The following DCHS1 variants were observed in gnomAD, a reference collection of about 807,000 sequenced individuals.
The protein encoded by DCHS1 is protocadherin-16.
In DCHS1, 78 loss-of-function variants were observed where a neutral mutation model predicts 213.9. That is an observed-to-expected ratio of 0.36 (90% CI 0.30 to 0.44). DCHS1 has a LOEUF of 0.44. Ranked by LOEUF, DCHS1 falls within the 20% of genes least tolerant of loss-of-function variation. The pLI is 1.00. For synonymous variants in DCHS1, 1,828 were observed against 1,873.7 expected (o/e 0.98, Z 0.63); for missense variants, 3,946 against 4,395.9 (o/e 0.90, Z 2.89).
intron 1 of DCHS1, among the ~76,000 whole-genome samples, chr11:6,644,448 A>G (rs1001763763): frequency 6.6e-6 from 1 of 152,190 alleles, no homozygotes; most frequent in Admixed American, 6.5e-5. Context: ...TTTTGTCATG[A>G]GATAACCTCT....
rs767271909 is a variant in DCHS1, at chr11:6,633,534, A to G, written c.2333T>C (p.Ile778Thr). 4.4e-6 allele frequency: 7 copies of G among 1,587,568 alleles called. No individual in the cohort carries two copies. Residue 778 changes from isoleucine (I) to threonine (T), a missense_variant, in exon 5 of 21, where the codon ATC becomes ACC. By Grantham distance (89) the Ile-to-Thr change is moderately conservative. This residue lies in a region of DCHS1 where 3,384 missense variants were observed against 3,780.1 expected (regional missense o/e 0.90). Coordinates refer to ENST00000299441, the MANE Select transcript of DCHS1 (RefSeq NM_003737.4). Reference protein sequence around the residue: ...LQAEPSARVDISIVPGTPTPP... With the variant: ...LQAEPSARVDTSIVPGTPTPP... ...TGTGGGGGTTCCAGGCACAATGCTG[A>G]TGTCCACTCGGGCACTGGGTTCTGC...
In DCHS1 at chr11:6,621,967, A is replaced by G; in HGVS notation, c.9709T>C (p.Ser3237Pro). The G allele has an allele frequency of 1.2e-6, 2 of 1,611,234 alleles. No homozygotes were observed. The highest frequency in any genetic ancestry group is 2.2e-5 in the South Asian group (2 of 90,932). The change falls in exon 21 of 21, where the codon TCC becomes CCC. Residue 3237 changes from serine to proline, a missense_variant. By Grantham distance (74) the Ser-to-Pro change is moderately conservative. Around this residue, in one of 3 missense-constraint regions of DCHS1, gnomAD observed 554 missense variants for 590.2 expected, o/e 0.94. Coordinates refer to ENST00000299441, the MANE Select transcript of DCHS1 (RefSeq NM_003737.4). ...AGGGAGCCTTCATGGCTGATGGGGG[A>G]GCGGTGAGAAGCTGGTGGGAAGATG... ...RAIFPPASHR[S>P]PISHEGSLSS... is the part of the protein sequence containing the mutation.
Position 6,623,649 on chromosome 11 carries a change from ACAAG to A in DCHS1, c.8023_8026del (p.Leu2675Ter). 1 of 1,613,834 alleles carries A rather than the reference ACAAG, an allele frequency of 6.2e-7. No individual in the cohort carries two copies. The highest frequency in any genetic ancestry group is 8.5e-7 in the Non-Finnish European group (1 of 1,179,888). Reference sequence around the variant, plus strand: ...ACCAGCAGGGTCAGCAGCCTGTACTACAAGCTGATGTCGAGCCTGGGTCTCACAG... The same window carrying A: ...ACCAGCAGGGTCAGCAGCCTGTACTACTGATGTCGAGCCTGGGTCTCACAG... On this transcript the variant is annotated frameshift_variant, in exon 21 of 21. Transcript: ENST00000299441. LOFTEE classifies it high-confidence loss of function.
In DCHS1 at chr11:6,623,270, T is replaced by C. The variant is rs747308612; in HGVS notation, c.8406A>G (p.Leu2802=). 6.3e-7 allele frequency: 1 copy of C among 1,590,004 alleles called. No individual in the cohort carries two copies. The highest frequency in any genetic ancestry group is 8.6e-7 in the Non-Finnish European group (1 of 1,168,244). Residue 2802 remains leucine (L), a synonymous_variant, in exon 21 of 21, where the codon CTA becomes CTG. Coordinates refer to ENST00000299441, the MANE Select transcript of DCHS1 (RefSeq NM_003737.4). ...GGTCATACTCATCCTCTCCAGTCAC[T>C]AGCACCGACACAGTGACAGAGGCTG... ...NLSASVTVSV[L]VTGEDEYDPV...
At chr11:6,655,281 C>T (rs73397294) in intron 1 of DCHS1, among the ~76,000 whole-genome samples, 2 of 152,066 alleles carry the variant, frequency 1.3e-5, no homozygotes, top group East Asian at 1.9e-4. Context: ...TGACACACTC[C>T]GACGATGCAC....
chr11:6,623,173 C>T lies in DCHS1; in HGVS notation c.8503G>A (p.Val2835Met), dbSNP rs746286141. 5.0e-6 allele frequency: 8 copies of T among 1,607,656 alleles called. No homozygotes were observed. The highest frequency in any genetic ancestry group is 3.4e-5 in the Admixed American group (2 of 59,380). The change falls in exon 21 of 21, where the codon GTG becomes ATG. Residue 2835 changes from valine to methionine, a missense_variant. By Grantham distance (21) the Val-to-Met change is conservative. Transcript: ENST00000299441. ...GARRGHSLGHVQATDEDGGAD... is the reference protein window; with the variant it reads ...GARRGHSLGHMQATDEDGGAD... Reference sequence around the variant, plus strand: ...CCCCCATCCTCATCTGTGGCCTGCACGTGACCCAAGCTGTGGCCACGCCGG... The same window carrying T: ...CCCCCATCCTCATCTGTGGCCTGCATGTGACCCAAGCTGTGGCCACGCCGG...
rs368843002 is a variant in DCHS1, at chr11:6,632,532, G to A, written c.2980C>T (p.Arg994Cys). The change falls in exon 6 of 21, where the codon CGT (arginine) becomes TGT (cysteine). Residue 994 changes from arginine to cysteine, a missense_variant. By Grantham distance (180) the Arg-to-Cys change is radical. Transcript: ENST00000299441. This position sits in a 1 kb window ranked among gnomAD's most constrained non-coding sequence, Gnocchi z 5.9. ...CTGTTGAATCGGGGAGCCAGCCCAC[G>A]GGTTCCCACATCCTGTACCACCACC... ...LRVVVQDVGTRGLAPRFNSPT... is the reference protein window; with the variant it reads ...LRVVVQDVGTCGLAPRFNSPT... 3.3e-6 allele frequency: 5 copies of A among 1,534,636 alleles called. No individual in the cohort carries two copies. Among genetic ancestry groups the A allele is most frequent in the East Asian group, 2.3e-5 (1 of 42,856 alleles).
Position 6,623,331 on chromosome 11 carries a change from C to G in DCHS1, c.8345G>C (p.Arg2782Pro). Residue 2782 changes from arginine (R) to proline (P), a missense_variant, in exon 21 of 21, where the codon CGG (arginine) becomes CCG (proline). Around this residue, in one of 3 missense-constraint regions of DCHS1, gnomAD observed 3,384 missense variants for 3,780.1 expected, o/e 0.90. Coordinates refer to ENST00000299441, the MANE Select transcript of DCHS1 (RefSeq NM_003737.4). ...PFDYEHTESF[R>P]LLVGAADAGN... ...AGCATCAGCAGCACCCACCAGCAGC[C>G]GGAAGCTTTCTGTGTGCTCATAGTC... is the stretch of plus-strand genomic sequence containing the variant. 1 of 1,593,888 alleles carries G rather than the reference C, an allele frequency of 6.3e-7. No homozygotes were observed.
chr11:6,623,193 C>A lies in DCHS1; in HGVS notation c.8483G>T (p.Arg2828Leu). The change falls in exon 21 of 21, where the codon CGT (arginine) becomes CTT (leucine). Residue 2828 changes from arginine (R) to leucine (L), a missense_variant. Arg to Leu is a moderately radical substitution (Grantham distance 102). Around this residue, in one of 3 missense-constraint regions of DCHS1, gnomAD observed 3,384 missense variants for 3,780.1 expected, o/e 0.90. Coordinates refer to ENST00000299441, the MANE Select transcript of DCHS1 (RefSeq NM_003737.4). Reference protein sequence around the residue: ...FHFQVPEGARRGHSLGHVQAT... With the variant: ...FHFQVPEGARLGHSLGHVQAT... The stretch of plus-strand genomic sequence containing the variant: ...CTGCACGTGACCCAAGCTGTGGCCA[C>A]GCCGGGCACCTTCGGGCACTTGGAA... 6.2e-7 allele frequency: 1 copy of A among 1,605,008 alleles called. No homozygotes were observed. Among genetic ancestry groups the A allele is most frequent in the East Asian group, 2.2e-5 (1 of 44,476 alleles).
At chr11:6,650,072 AGT>A (rs1856222322) in intron 1 of DCHS1, among the ~76,000 whole-genome samples, 1 of 152,182 alleles carries the variant, frequency 6.6e-6, no homozygotes, top group Admixed American at 6.5e-5. Context: ...GGCCATAAAT[AGT>A]GTGTCTGGAA....
Position 6,621,503 on chromosome 11 carries a change from G to A in DCHS1, c.*276C>T. ...AGTCTCAGCTCCATCTCAGGGTGCT[G>A]GTGCAGGGCAGGGATCCCTCACTGA... On this transcript the variant is annotated 3_prime_UTR_variant, in exon 21 of 21. Transcript: ENST00000299441. 1.7e-6 allele frequency: 1 copy of A among 575,350 alleles called. No homozygotes were observed. The highest frequency in any genetic ancestry group is 3.2e-6 in the Non-Finnish European group (1 of 310,378). The allele number at this position is 575,350 out of a possible 1,614,324, so 35.6% of individuals were successfully genotyped here.
Position 6,630,235 on chromosome 11 carries a change from G to A in DCHS1, c.4559C>T (p.Ala1520Val). ...LLLVEATDRPANASRRRAARV... is the reference protein window; with the variant it reads ...LLLVEATDRPVNASRRRAARV... Reference sequence around the variant, plus strand: ...CGCTGCACGACGGCGGCTGGCGTTGGCGGGCCGGTCGGTGGCTTCCACCAG... The same window carrying A: ...CGCTGCACGACGGCGGCTGGCGTTGACGGGCCGGTCGGTGGCTTCCACCAG... Residue 1520 changes from alanine to valine, a missense_variant, in exon 10 of 21, where the codon GCC (alanine) becomes GTC (valine). Ala to Val is a moderately conservative substitution (Grantham distance 64). This residue lies in a region of DCHS1 where 3,384 missense variants were observed against 3,780.1 expected (regional missense o/e 0.90). Transcript: ENST00000299441. 6.4e-7 allele frequency: 1 copy of A among 1,553,450 alleles called. No individual in the cohort carries two copies. The highest frequency in any genetic ancestry group is 8.7e-7 in the Non-Finnish European group (1 of 1,152,272).
At position 6,625,459 on chromosome 11, in the gene DCHS1, A is replaced by G; in HGVS notation, c.6885T>C (p.Ile2295=). The part of the protein sequence containing the change: ...VSEDALLGSE[I]AQVTGNDVDS... ...CCACATCATTCCCTGTTACCTGTGC[A>G]ATCTCTGAGCCCAATAACGCATCTG... The change falls in exon 19 of 21, where the codon ATT becomes ATC. Residue 2295 remains isoleucine (I), a synonymous_variant. Coordinates refer to ENST00000299441, the MANE Select transcript of DCHS1 (RefSeq NM_003737.4). This position sits in a 1 kb window ranked among gnomAD's most constrained non-coding sequence, Gnocchi z 5.3. 2 of 1,602,492 alleles carry G rather than the reference A, an allele frequency of 1.2e-6. No homozygotes were observed. Among genetic ancestry groups the G allele is most frequent in the South Asian group, 1.1e-5 (1 of 90,300 alleles).
chr11:6,627,762 C>A lies in DCHS1; in HGVS notation c.5372-95G>T. ...GAGAGAGTGAGCATGTGCACAAAAG[C>A]AAGTGAACCTTATGAGAGAAAGGAA... On this transcript the variant is annotated intron_variant, in intron 13 of 20. Coordinates refer to ENST00000299441, the MANE Select transcript of DCHS1 (RefSeq NM_003737.4). The surrounding 1 kb of genome is among the most constrained non-coding windows in gnomAD (Gnocchi z 5.4). The A allele has an allele frequency of 7.6e-7, 1 of 1,321,196 alleles. No individual in the cohort carries two copies. The highest frequency in any genetic ancestry group is 1.0e-6 in the Non-Finnish European group (1 of 976,290). 81.8% of individuals were successfully genotyped at this position (1,321,196 alleles called of 1,614,324 possible). A position where few individuals can be genotyped will look rare whatever the true frequency, so the allele number is the denominator to read the frequency against.
In DCHS1 at chr11:6,629,715, A is replaced by T; in HGVS notation, c.4992T>A (p.Pro1664=). 6.2e-7 allele frequency: 1 copy of T among 1,613,850 alleles called. No individual in the cohort carries two copies. ...YSVLLRENNP[P]GTSLLTLRAT... Reference sequence around the variant, plus strand: ...CTCGCAGGGTGAGCAGAGATGTGCCAGGAGGGTTGTTCTCACGCAAGAGGA... The same window carrying T: ...CTCGCAGGGTGAGCAGAGATGTGCCTGGAGGGTTGTTCTCACGCAAGAGGA... Residue 1664 remains proline (P), a synonymous_variant, in exon 11 of 21, where the codon CCT becomes CCA. Coordinates refer to ENST00000299441, the MANE Select transcript of DCHS1 (RefSeq NM_003737.4).
In DCHS1 at chr11:6,630,438, G is replaced by C. The variant is rs1471081275; in HGVS notation, c.4356C>G (p.Gly1452=). Residue 1452 remains glycine, a synonymous_variant, in exon 10 of 21, where the codon GGC becomes GGG. Transcript: ENST00000299441. The part of the protein sequence containing the change: ...ALALPENPEP[G]AALYTFRASD... ...ACGCGCGGAAAGTGTACAGCGCTGC[G>C]CCGGGCTCCGGGTTCTCTGGCAGCG... 6.0e-6 allele frequency: 9 copies of C among 1,504,430 alleles called. No individual in the cohort carries two copies. The highest frequency in any genetic ancestry group is 4.1e-5 in the Admixed American group (2 of 48,356). 93.2% of individuals were successfully genotyped at this position (1,504,430 alleles called of 1,614,324 possible). A position where few individuals can be genotyped will look rare whatever the true frequency, so the allele number is the denominator to read the frequency against.
chr11:6,632,149 C>T lies in DCHS1; in HGVS notation c.3363G>A (p.Gly1121=). 6.3e-7 allele frequency: 1 copy of T among 1,590,790 alleles called. No homozygotes were observed. Among genetic ancestry groups the T allele is most frequent in the Non-Finnish European group, 8.6e-7 (1 of 1,165,192 alleles). ...TGGCAAAGACTCGGCCCACGCTGGT[C>T]CCTGGGGGCTGGTTCTCAGCCACAG... ...FLAVAENQPP[G]TSVGRVFATD... is the part of the protein sequence containing the mutation. The change falls in exon 6 of 21, where the codon GGG becomes GGA. Residue 1121 remains glycine (G), a synonymous_variant. Coordinates refer to ENST00000299441, the MANE Select transcript of DCHS1 (RefSeq NM_003737.4). The surrounding 1 kb of genome is among the most constrained non-coding windows in gnomAD (Gnocchi z 5.9).
Position 6,629,703 on chromosome 11 carries a change from C to A in DCHS1, c.5004G>T (p.Leu1668=), listed in dbSNP as rs1554904156. 1.9e-6 allele frequency: 3 copies of A among 1,613,780 alleles called. No homozygotes were observed. The South Asian group carries it at 3.3e-5, about 18-fold the overall frequency. The change falls in exon 11 of 21, where the codon CTG becomes CTT. Residue 1668 remains leucine (L), a synonymous_variant. Transcript: ENST00000299441. ...LRENNPPGTS[L]LTLRATDPDV... is the part of the protein sequence containing the mutation. ...CGGGGTCGGTTGCTCGCAGGGTGAG[C>A]AGAGATGTGCCAGGAGGGTTGTTCT...
rs1184704780 is a variant in DCHS1 at position 6,625,089 on chromosome 11, C to T, written c.7146+109G>A. The T allele has an allele frequency of 1.4e-6, 2 of 1,466,330 alleles. No homozygotes were observed. Among genetic ancestry groups the T allele is most frequent in the Middle Eastern group, 1.9e-4 (1 of 5,156 alleles). 90.8% of individuals were successfully genotyped at this position (1,466,330 alleles called of 1,614,324 possible). A position where few individuals can be genotyped will look rare whatever the true frequency, so the allele number is the denominator to read the frequency against. Reference sequence around the variant, plus strand: ...CACAGGACTTGGGACCTTCCCATTCCCAGATCAGCTCCAACGTCCAGCCCA... The same window carrying T: ...CACAGGACTTGGGACCTTCCCATTCTCAGATCAGCTCCAACGTCCAGCCCA... On this transcript the variant is annotated intron_variant, in intron 19 of 20. Coordinates refer to ENST00000299441, the MANE Select transcript of DCHS1 (RefSeq NM_003737.4). This position sits in a 1 kb window ranked among gnomAD's most constrained non-coding sequence, Gnocchi z 5.3.
Sources: allele counts gnomAD v4.1 joint callset (sites outside exome capture counted in the v4.1 genomes callset), GRCh38; gene constraint gnomAD v4.1.1; regional missense constraint gnomAD v4.1.1; non-coding constraint Gnocchi (gnomAD v3.1); transcripts MANE v1.5; gene names NCBI Gene and HGNC (gene_info 2026-07-23, HGNC 2026-07-21).